The following CALN1 variants were observed in gnomAD, a reference collection of about 807,000 sequenced individuals.
CALN1 encodes the protein calcium-binding protein 8.
In CALN1, 17 loss-of-function variants were observed where a neutral mutation model predicts 30.6. The ratio of observed to expected loss-of-function variants is 0.56; its 90% CI spans 0.38 to 0.83. The LOEUF (loss-of-function observed/expected upper bound fraction) is 0.83. Ranked by LOEUF, CALN1 falls within the 40% of genes least tolerant of loss-of-function variation. CALN1 has a pLI of 0.00. For missense variants in CALN1, 291 were observed against 354.9 expected, an observed-to-expected ratio of 0.82 and a Z score of 1.45; for synonymous variants, 156 against 131.4, an observed-to-expected ratio of 1.19 and a Z score of -1.28.
chr7:72,133,684 A>G (rs980609015), intron 3 of CALN1, among the ~76,000 whole-genome samples: 2 of 152,100 alleles, frequency 1.3e-5, no homozygotes, highest in African/African-American at 4.8e-5. Flanking sequence ...AGCCTGGCGG[A>G]CTCCACCTGA....
intron 5 of CALN1, among the ~76,000 whole-genome samples, chr7:71,876,530 C>G (rs931110541): frequency 2.4e-4 from 37 of 152,108 alleles, no homozygotes; most frequent in African/African-American, 8.7e-4. Flanking sequence ...AGAAAACAGA[C>G]TAGGACAAGT....
intron 2 of CALN1, among the ~76,000 whole-genome samples, chr7:72,393,585 T>G (rs1490858430): frequency 6.6e-6 from 1 of 152,170 alleles, no homozygotes; most frequent in Non-Finnish European, 1.5e-5. Context: ...GAACATGTAC[T>G]CTGTTGATCA....
intron 5 of CALN1, among the ~76,000 whole-genome samples, chr7:71,942,774 G>A (rs1416178094): frequency 6.6e-6 from 1 of 152,038 alleles, no homozygotes; most frequent in Non-Finnish European, 1.5e-5. Context: ...AAAATATCTT[G>A]GGCCACTAAT....
chr7:71,912,429 C>G (rs1168907849), intron 5 of CALN1, among the ~76,000 whole-genome samples: 2 of 152,158 alleles, frequency 1.3e-5, no homozygotes, highest in Non-Finnish European at 2.9e-5. Context: ...CTGTTGAACA[C>G]AGTTACAAAT....
At chr7:72,029,593 A>G (rs1172393555) in intron 4 of CALN1, among the ~76,000 whole-genome samples, 1 of 152,154 alleles carries the variant, frequency 6.6e-6, no homozygotes, top group Non-Finnish European at 1.5e-5. Context: ...CATCTCCCCA[A>G]CCTCCAGGGA....
chr7:71,813,622 T>C (rs1363122700), intron 5 of CALN1, among the ~76,000 whole-genome samples: 2 of 152,120 alleles, frequency 1.3e-5, no homozygotes, highest in East Asian at 3.9e-4. Flanking sequence ...ACACTATAAC[T>C]GTTCCAAACT....
At chr7:72,479,933 G>T in the CALN1 span, among the ~76,000 whole-genome samples, 4 of 152,192 alleles carry the variant, frequency 2.6e-5, no homozygotes, top group African/African-American at 9.7e-5. Context: ...GCCCATATAA[G>T]TGTGGGTGTA....
chr7:71,793,316 C>CA (rs1005946042), intron 6 of CALN1, among the ~76,000 whole-genome samples: 4 of 149,964 alleles, frequency 2.7e-5, no homozygotes, highest in East Asian at 2.0e-4. Flanking sequence ...CAAAACAAAA[C>CA]AAAAAAAAAG....
chr7:71,847,841 GAGAAGGAGA>G (rs1226048355), intron 5 of CALN1, among the ~76,000 whole-genome samples: 1 of 87,236 alleles, frequency 1.1e-5, no homozygotes, highest in African/African-American at 7.2e-5. Flanking sequence ...GAAGGAGAAG[GAGAAGGAGA>G]AGAAGAAGAG....
intron 6 of CALN1, among the ~76,000 whole-genome samples, chr7:71,805,869 A>G (rs920771007): frequency 3.9e-5 from 6 of 152,216 alleles, no homozygotes; most frequent in African/African-American, 1.4e-4. Flanking sequence ...CTGGATAAAG[A>G]AAGTGTGTAC....
intron 2 of CALN1, among the ~76,000 whole-genome samples, chr7:72,365,065 G>A (rs1487226205): frequency 6.6e-6 from 1 of 152,120 alleles, no homozygotes; most frequent in South Asian, 2.1e-4. Context: ...AGCACTTTGG[G>A]AGGCCAAGGC....
intron 5 of CALN1, among the ~76,000 whole-genome samples, chr7:71,889,742 G>C (rs556655728): frequency 1.7e-4 from 26 of 152,280 alleles, no homozygotes; most frequent in African/African-American, 6.3e-4. Context: ...ATCACCTGAG[G>C]TCAGGAGTTC....
chr7:72,368,615 T>A (rs1465810016), intron 2 of CALN1, among the ~76,000 whole-genome samples: 1 of 151,998 alleles, frequency 6.6e-6, no homozygotes, highest in Non-Finnish European at 1.5e-5. Context: ...AACAAAGATA[T>A]GAGCTACAAA....
At chr7:72,326,680 G>A (rs1372738895) in intron 2 of CALN1, among the ~76,000 whole-genome samples, 1 of 152,220 alleles carries the variant, frequency 6.6e-6, no homozygotes, top group Non-Finnish European at 1.5e-5. Flanking sequence ...ACAATTTGCA[G>A]AATGAATGAA....
intron 3 of CALN1, among the ~76,000 whole-genome samples, chr7:72,253,505 G>T (rs1372507318): frequency 6.6e-6 from 1 of 152,210 alleles, no homozygotes; most frequent in Admixed American, 6.5e-5. Context: ...TTACAATCAT[G>T]GCTGAAGTTG....
chr7:72,094,273 ATTTT>A (rs34777600), intron 4 of CALN1, among the ~76,000 whole-genome samples: 3 of 150,940 alleles, frequency 2.0e-5, no homozygotes, highest in South Asian at 2.1e-4. Flanking sequence ...ACATACCAGA[ATTTT>A]TTTTTTAACT....
chr7:71,887,627 A>G (rs928836931), intron 5 of CALN1, among the ~76,000 whole-genome samples: 1 of 152,192 alleles, frequency 6.6e-6, no homozygotes, highest in East Asian at 1.9e-4. Context: ...TTTGGAAAAG[A>G]GCTCTGGTAG....
At position 72,380,564 on chromosome 7, in the gene CALN1, C is replaced by T. The variant is rs576429155; in HGVS notation, c.119+22687G>A. On this transcript the variant is annotated intron_variant, in intron 2 of 6. Coordinates refer to ENST00000395275, the MANE Select transcript of CALN1 (RefSeq NM_031468.4). ...CTTGAGCCCATGACTTCTCATTTAC[C>T]TGGGCGGTGACCGTGTCTGTTTTCA... Among the ~76,000 whole-genome samples the T allele has an allele frequency of 3.3e-5, 5 of 152,258 alleles. No homozygotes were observed. In the South Asian group the frequency reaches 1.0e-3, roughly 32 times the overall value.
At chr7:72,392,388 G>A (rs113615753) in intron 2 of CALN1, among the ~76,000 whole-genome samples, 3 of 152,268 alleles carry the variant, frequency 2.0e-5, no homozygotes, top group African/African-American at 4.8e-5. Context: ...ATAGTAACTG[G>A]ACTCAGAGAC....
Sources: allele counts gnomAD v4.1 joint callset (sites outside exome capture counted in the v4.1 genomes callset), GRCh38; gene constraint gnomAD v4.1.1; transcripts MANE v1.5; gene names NCBI Gene and HGNC (gene_info 2026-07-23, HGNC 2026-07-21).